Variants in CYTH3 observed in about 807,000 individuals in gnomAD.
The protein encoded by CYTH3 is cytohesin 3.
In CYTH3, 23 loss-of-function variants were observed where a neutral mutation model predicts 55.1. The ratio of observed to expected loss-of-function variants is 0.42; its 90% CI spans 0.30 to 0.59. The LOEUF is 0.59. Ranked by LOEUF, CYTH3 falls within the 20% of genes least tolerant of loss-of-function variation. CYTH3 has a pLI of 0.20. For missense variants in CYTH3, 413 were observed against 524.8 expected, an observed-to-expected ratio of 0.79 and a Z score of 2.08; for synonymous variants, 249 against 194.9, an observed-to-expected ratio of 1.28 and a Z score of -2.31.
chr7:6,229,595 A>C (rs1259769155), intron 1 of CYTH3, among the ~76,000 whole-genome samples: 1 of 149,332 alleles, frequency 6.7e-6, no homozygotes, highest in African/African-American at 2.5e-5. Flanking sequence ...GGATCACCTG[A>C]GGTCAGGAGC....
At chr7:6,198,494 C>T (rs1783989736) in intron 1 of CYTH3, among the ~76,000 whole-genome samples, 1 of 152,208 alleles carries the variant, frequency 6.6e-6, no homozygotes, top group African/African-American at 2.4e-5. Flanking sequence ...AAGCAATGTT[C>T]AGAGAAGGTG....
intron 1 of CYTH3, among the ~76,000 whole-genome samples, chr7:6,232,912 T>C (rs1188481491): frequency 6.6e-6 from 1 of 152,076 alleles, no homozygotes; most frequent in African/African-American, 2.4e-5. Context: ...CTCTTAGCCA[T>C]GGTATTTGGT....
At position 6,167,456 on chromosome 7, in the gene CYTH3, G is replaced by A. The variant is rs527472411; in HGVS notation, c.824-1646C>T. Among the ~76,000 whole-genome samples, 14 of 152,360 alleles carry A rather than the reference G, an allele frequency of 9.2e-5. No individual in the cohort carries two copies. The highest frequency in any genetic ancestry group is 6.5e-4 in the Admixed American group (10 of 15,308). On this transcript the variant is annotated intron_variant, in intron 9 of 12. Transcript: ENST00000350796. The surrounding 1 kb of genome is among the most constrained non-coding windows in gnomAD (Gnocchi z 5.5). The stretch of plus-strand genomic sequence containing the variant: ...CTCCACTACCCTGACATCCGTCACT[G>A]TCACGGTCGCCTCTGCTTCCCTCCA...
chr7:6,223,571 C>T (rs1779146851), intron 1 of CYTH3, among the ~76,000 whole-genome samples: 1 of 152,100 alleles, frequency 6.6e-6, no homozygotes, highest in Non-Finnish European at 1.5e-5. Flanking sequence ...GCTGTGTCAA[C>T]TCAGGGTTAA....
At chr7:6,205,592 CAAGAA>C (rs1784165903) in intron 1 of CYTH3, among the ~76,000 whole-genome samples, 1 of 151,874 alleles carries the variant, frequency 6.6e-6, no homozygotes, top group Admixed American at 6.6e-5. Context: ...AAATAAAAAA[CAAGAA>C]AAGAAGAGAA....
rs1783185628 is a variant in CYTH3 at position 6,171,285 on chromosome 7, C to T, written c.479G>A (p.Gly160Glu). The T allele has an allele frequency of 1.2e-6, 2 of 1,614,182 alleles. No individual in the cohort carries two copies. Among genetic ancestry groups the T allele is most frequent in the Non-Finnish European group, 1.7e-6 (2 of 1,180,006 alleles). ...RQFLWSFRLPGEAQKIDRMME... is the reference protein window; with the variant it reads ...RQFLWSFRLPEEAQKIDRMME... Reference sequence around the variant, plus strand: ...CATGCGATCAATCTTCTGCGCCTCCCCGGGCAGCCTGAAGCTCCATAAGAA... The same window carrying T: ...CATGCGATCAATCTTCTGCGCCTCCTCGGGCAGCCTGAAGCTCCATAAGAA... Residue 160 changes from glycine to glutamate, a missense_variant, in exon 7 of 13, where the codon GGG (glycine) becomes GAG (glutamate). This residue lies in a region of CYTH3 where 156 missense variants were observed against 233.1 expected (regional missense o/e 0.67). Coordinates refer to ENST00000350796, the MANE Select transcript of CYTH3 (RefSeq NM_004227.4). The surrounding 1 kb of genome is among the most constrained non-coding windows in gnomAD (Gnocchi z 6.7).
At chr7:6,269,465 T>C (rs975011249) in intron 1 of CYTH3, among the ~76,000 whole-genome samples, 3 of 152,138 alleles carry the variant, frequency 2.0e-5, no homozygotes, top group African/African-American at 2.4e-5. Context: ...GAGAGAAGAA[T>C]GCCAATTATA....
At chr7:6,222,688 G>A (rs184094247) in intron 1 of CYTH3, among the ~76,000 whole-genome samples, 22 of 151,246 alleles carry the variant, frequency 1.5e-4, no homozygotes, top group Non-Finnish European at 2.5e-4. Context: ...CAGAGGTTGC[G>A]GTGAGCTGAG....
chr7:6,185,604 G>A (rs1783622486), intron 4 of CYTH3, among the ~76,000 whole-genome samples: 1 of 151,892 alleles, frequency 6.6e-6, no homozygotes, highest in South Asian at 2.1e-4. Context: ...GGAGGCTGAG[G>A]CAGGAGAATG....
At chr7:6,191,748 A>G (rs146711841) in intron 1 of CYTH3, among the ~76,000 whole-genome samples, 150 of 152,250 alleles carry the variant, frequency 9.9e-4, no homozygotes, top group African/African-American at 3.6e-3. Context: ...AATATAAATC[A>G]CAAAGGAAAA....
chr7:6,206,632 T>C (rs1784194110), intron 1 of CYTH3, among the ~76,000 whole-genome samples: 1 of 152,214 alleles, frequency 6.6e-6, no homozygotes, highest in African/African-American at 2.4e-5. Context: ...TAAAAGCCTA[T>C]GTCTGAAAAA....
At chr7:6,269,680 G>A (rs762161432) in intron 1 of CYTH3, among the ~76,000 whole-genome samples, 3 of 152,118 alleles carry the variant, frequency 2.0e-5, no homozygotes, top group Non-Finnish European at 4.4e-5. Flanking sequence ...ACACTGTAAG[G>A]AACAATGTGT....
chr7:6,168,399 C>T (rs141944663), intron 9 of CYTH3, among the ~76,000 whole-genome samples: 13 of 152,042 alleles, frequency 8.6e-5, no homozygotes, highest in East Asian at 1.9e-4. Context: ...CAAGCCAGGC[C>T]GCACTCCCCG....
chr7:6,229,821 G>GA (rs1255742660), intron 1 of CYTH3, among the ~76,000 whole-genome samples: 2,964 of 96,518 alleles, frequency 0.031, 38 homozygotes, highest in East Asian at 0.13. Flanking sequence ...TGTCTCAAAA[G>GA]AAAAAAAAAA....
chr7:6,187,800 T>G, intron 2 of CYTH3, 79 bp from the exon 3 acceptor site: 1 of 1,167,986 alleles, frequency 8.6e-7, no homozygotes, highest in Non-Finnish European at 1.3e-6. Context: ...TTAGTTCTCT[T>G]GTGACAAGCT....
chr7:6,272,586 CG>C lies in CYTH3; in HGVS notation c.-80del. 1 of 1,098,160 alleles carries C rather than the reference CG, an allele frequency of 9.1e-7. No individual in the cohort carries two copies. Among genetic ancestry groups the C allele is most frequent in the Non-Finnish European group, 1.1e-6 (1 of 897,604 alleles). 68.0% of individuals were successfully genotyped at this position (1,098,160 alleles called of 1,614,324 possible). On this transcript the variant is annotated 5_prime_UTR_variant, in exon 1 of 13. Coordinates refer to ENST00000350796, the MANE Select transcript of CYTH3 (RefSeq NM_004227.4). ...GGGCTGGGGACGCCGCCGGAGGGAG[CG>C]CGCAGGCGACCGGGCGGCTCCTCAG...
chr7:6,255,898 G>T (rs1306919761), intron 1 of CYTH3, among the ~76,000 whole-genome samples: 1 of 151,326 alleles, frequency 6.6e-6, no homozygotes, highest in Non-Finnish European at 1.5e-5. Context: ...TGAGTAGCTG[G>T]GACTACAGGT....
At chr7:6,259,376 T>G (rs1780219059) in intron 1 of CYTH3, among the ~76,000 whole-genome samples, 1 of 152,184 alleles carries the variant, frequency 6.6e-6, no homozygotes. Flanking sequence ...CTCTCCTATT[T>G]GAACAGTGTT....
intron 1 of CYTH3, among the ~76,000 whole-genome samples, chr7:6,263,840 C>CA (rs1428410139): frequency 2.0e-5 from 3 of 151,228 alleles, no homozygotes; most frequent in African/African-American, 7.3e-5. Flanking sequence ...ACAAGATAGA[C>CA]AAAACGTGAT....
Sources: gnomAD v4.1 joint callset for allele counts (sites outside exome capture counted in the v4.1 genomes callset) on GRCh38, gnomAD v4.1.1 for gene constraint, gnomAD v4.1.1 regional missense constraint, Gnocchi (gnomAD v3.1) non-coding constraint, MANE v1.5 for transcripts, NCBI Gene and HGNC (gene_info 2026-07-23, HGNC 2026-07-21) for gene names.